RCOR3: variants seen among roughly 807,000 people sequenced by gnomAD.
RCOR3 encodes the protein REST corepressor 3.
RCOR3 carries 13 observed loss-of-function variants against 64.1 expected under a neutral mutation model. The observed-to-expected ratio is 0.20, with a 90% CI of 0.13 to 0.32. RCOR3 has a LOEUF of 0.32. RCOR3 is among the 10% of genes least tolerant of loss of function. RCOR3 has a pLI of 1.00. For missense variants in RCOR3, 489 were observed against 701.2 expected (o/e 0.70, Z 3.42); for synonymous variants, 215 against 239.0 (o/e 0.90, Z 0.93).
At position 211,259,550 on chromosome 1, in the gene RCOR3, C is replaced by T. The variant is rs1693797230; in HGVS notation, c.-11C>T. ...CTCTTCCCCTCACCTTTCCCCCTCCCCTGTTCTACCATGCCCGGCATGATG... is the reference window on the plus strand; with the variant it reads ...CTCTTCCCCTCACCTTTCCCCCTCCTCTGTTCTACCATGCCCGGCATGATG... On this transcript the variant is annotated 5_prime_UTR_variant, in exon 1 of 12. Transcript: ENST00000419091. 6.5e-7 allele frequency: 1 copy of T among 1,547,062 alleles called. No homozygotes were observed. Among genetic ancestry groups the T allele is most frequent in the South Asian group, 1.2e-5 (1 of 84,010 alleles).
intron 2 of RCOR3, among the ~76,000 whole-genome samples, chr1:211,263,097 C>T (rs1571764119): frequency 1.4e-5 from 2 of 144,202 alleles, no homozygotes; most frequent in African/African-American, 2.6e-5. Flanking sequence ...TGTTCAGTTC[C>T]CATCTATGAG....
intron 2 of RCOR3, among the ~76,000 whole-genome samples, chr1:211,263,806 G>GT (rs971132743): frequency 6.5e-5 from 7 of 106,994 alleles, no homozygotes; most frequent in Non-Finnish European, 5.6e-5. Flanking sequence ...TAGATGAAAA[G>GT]TTTTTTTTGT....
chr1:211,271,147 G>T (rs574430204), intron 2 of RCOR3, 85 bp from the exon 3 acceptor site: 17 of 1,225,502 alleles, frequency 1.4e-5, no homozygotes, highest in Non-Finnish European at 2.0e-5. Flanking sequence ...ATGAGCCACC[G>T]TGCCTGGGCA....
chr1:211,287,521 C>G (rs1425016405), intron 7 of RCOR3, among the ~76,000 whole-genome samples: 1 of 152,210 alleles, frequency 6.6e-6, no homozygotes, highest in Non-Finnish European at 1.5e-5. Context: ...GGAGGAGTTT[C>G]TCTGAACATC....
chr1:211,260,124 C>G lies in RCOR3; in HGVS notation c.183C>G (p.Val61=). ...GCTTTGCAGATGTTGGGATGAGAGT[C>G]GGAGCCGAATACCAAGCTCGGATCC... The part of the protein sequence containing the change: ...SDDEHDVGMR[V]GAEYQARIPE... The change falls in exon 2 of 12, where the codon GTC becomes GTG. Residue 61 remains valine (V), a synonymous_variant. Transcript: ENST00000419091. The G allele has an allele frequency of 5.0e-6, 8 of 1,611,654 alleles. No homozygotes were observed. Among genetic ancestry groups the G allele is most frequent in the African/African-American group, 1.3e-5 (1 of 74,736 alleles).
chr1:211,286,413 T>G (rs1444526084), intron 7 of RCOR3, among the ~76,000 whole-genome samples: 1 of 152,022 alleles, frequency 6.6e-6, no homozygotes, highest in East Asian at 1.9e-4. Context: ...GTTCAAGTGA[T>G]TCTCCTGCCT....
intron 10 of RCOR3, among the ~76,000 whole-genome samples, chr1:211,307,134 T>G (rs1700923239): frequency 6.6e-6 from 1 of 152,248 alleles, no homozygotes; most frequent in Non-Finnish European, 1.5e-5. Flanking sequence ...TATAATGCTT[T>G]TAGAAGTTAT....
intron 10 of RCOR3, among the ~76,000 whole-genome samples, chr1:211,307,468 G>C (rs1031133944): frequency 2.6e-5 from 3 of 114,948 alleles, no homozygotes; most frequent in African/African-American, 1.0e-4. Flanking sequence ...GCAGCAGAGC[G>C]AGACTCTGAC....
intron 3 of RCOR3, among the ~76,000 whole-genome samples, chr1:211,272,153 A>G (rs1696290339): frequency 6.6e-6 from 1 of 152,164 alleles, no homozygotes; most frequent in Non-Finnish European, 1.5e-5. Flanking sequence ...AAATCTTTCT[A>G]TTTAAGAGCT....
At chr1:211,303,932 T>C in intron 9 of RCOR3, 151 bp from the exon 10 acceptor site, 1 of 478,374 alleles carries the variant, frequency 2.1e-6, no homozygotes, top group Non-Finnish European at 3.7e-6. Context: ...ACTCAGAATA[T>C]ATATTTTTAA....
In RCOR3 at chr1:211,274,235, G is replaced by A. The variant is rs1206181044; in HGVS notation, c.327G>A (p.Lys109=). Residue 109 remains lysine, a synonymous_variant, in exon 4 of 12, where the codon AAG becomes AAA. Coordinates refer to ENST00000419091, the MANE Select transcript of RCOR3 (RefSeq NM_001136223.3). ...AKLDEYIAIA[K]EKHGYNVEQA... is the part of the protein sequence containing the mutation. ...TGGATGAATACATTGCAATTGCAAAGGAAAAGCATGGCTACAATGTGGAAC... is the reference window on the plus strand; with the variant it reads ...TGGATGAATACATTGCAATTGCAAAAGAAAAGCATGGCTACAATGTGGAAC... 6.2e-7 allele frequency: 1 copy of A among 1,604,336 alleles called. No homozygotes were observed. Among genetic ancestry groups the A allele is most frequent in the Admixed American group, 1.7e-5 (1 of 59,770 alleles).
At chr1:211,308,819 C>T (rs530752215) in intron 10 of RCOR3, among the ~76,000 whole-genome samples, 1 of 149,678 alleles carries the variant, frequency 6.7e-6, no homozygotes, top group Admixed American at 6.8e-5. Context: ...TTAAGTGATT[C>T]TTGTGCCTCA....
At chr1:211,280,809 C>A (rs1346263603) in intron 7 of RCOR3, among the ~76,000 whole-genome samples, 2 of 152,086 alleles carry the variant, frequency 1.3e-5, no homozygotes, top group Non-Finnish European at 2.9e-5. Context: ...CATGGAGAAA[C>A]CCCGTCTCTA....
intron 2 of RCOR3, chr1:211,261,012 C>T (rs1211895797): frequency 2.0e-5 from 3 of 152,216 alleles, no homozygotes; most frequent in East Asian, 1.9e-4. Flanking sequence ...TGGAGCCTCT[C>T]GGAGTGGAGC....
intron 10 of RCOR3, among the ~76,000 whole-genome samples, chr1:211,306,711 T>A (rs1700884252): frequency 6.6e-6 from 1 of 152,194 alleles, no homozygotes; most frequent in South Asian, 2.1e-4. Context: ...ATTTTCCTGT[T>A]CCATCTACTC....
intron 9 of RCOR3, chr1:211,301,758 G>C (rs1700405497): frequency 6.6e-6 from 1 of 151,942 alleles, no homozygotes. Flanking sequence ...TAACTTTAAA[G>C]TTATTTGTAT....
chr1:211,304,753 G>A (rs1700699956), intron 10 of RCOR3, among the ~76,000 whole-genome samples: 1 of 152,156 alleles, frequency 6.6e-6, no homozygotes, highest in African/African-American at 2.4e-5. Flanking sequence ...TATGGTAGAA[G>A]ACTTTTTGTA....
chr1:211,306,025 G>C (rs1700818764), intron 10 of RCOR3, among the ~76,000 whole-genome samples: 1 of 152,050 alleles, frequency 6.6e-6, no homozygotes, highest in South Asian at 2.1e-4. Flanking sequence ...TTAATAATGT[G>C]TTAATGGTGT....
intron 2 of RCOR3, among the ~76,000 whole-genome samples, chr1:211,262,680 C>T (rs1466272886): frequency 6.6e-6 from 1 of 152,038 alleles, no homozygotes; most frequent in African/African-American, 2.4e-5. Flanking sequence ...CTTGTACATG[C>T]CATAGCATTA....
Sources: allele counts gnomAD v4.1 joint callset (sites outside exome capture counted in the v4.1 genomes callset), GRCh38; gene constraint gnomAD v4.1.1; transcripts MANE v1.5; gene names NCBI Gene and HGNC (gene_info 2026-07-23, HGNC 2026-07-21).